CFAP77: variants seen among roughly 807,000 people sequenced by gnomAD.
The protein encoded by CFAP77 is cilia and flagella associated protein 77.
In CFAP77, 25 loss-of-function variants were observed where a neutral mutation model predicts 31.1. The ratio of observed to expected loss-of-function variants is 0.80; its 90% CI spans 0.59 to 1.12. CFAP77 has a LOEUF of 1.12. Ranked by LOEUF, CFAP77 falls within the 50% of genes most tolerant of loss-of-function variation. The pLI is 0.00. For missense variants in CFAP77, 377 were observed against 397.3 expected (o/e 0.95, Z 0.44); for synonymous variants, 151 against 159.9 (o/e 0.94, Z 0.42).
intron 4 of CFAP77, among the ~76,000 whole-genome samples, chr9:132,541,860 A>C (rs1852648619): frequency 1.3e-5 from 2 of 152,258 alleles, no homozygotes; most frequent in South Asian, 4.1e-4. Flanking sequence ...TTATTTGCCG[A>C]TTGTGCTGTC....
chr9:132,503,566 T>C (rs539606652), intron 3 of CFAP77, among the ~76,000 whole-genome samples: 3 of 152,244 alleles, frequency 2.0e-5, no homozygotes, highest in Non-Finnish European at 4.4e-5. Flanking sequence ...TCTCAGGCTA[T>C]GTTTTGCCTC....
chr9:132,530,337 G>C (rs1340318711), intron 3 of CFAP77, among the ~76,000 whole-genome samples: 10 of 150,926 alleles, frequency 6.6e-5, no homozygotes, highest in African/African-American at 2.4e-4. Flanking sequence ...GTGCAGTGGT[G>C]CAATCTCGGC....
chr9:132,486,555 C>T (rs1196248101), intron 1 of CFAP77, among the ~76,000 whole-genome samples: 1 of 152,126 alleles, frequency 6.6e-6, no homozygotes, highest in East Asian at 1.9e-4. Context: ...GTTTTTATTG[C>T]TCTTTAAAAA....
chr9:132,558,451 TC>T (rs1283496222), intron 5 of CFAP77, among the ~76,000 whole-genome samples: 1 of 152,252 alleles, frequency 6.6e-6, no homozygotes, highest in Non-Finnish European at 1.5e-5. Flanking sequence ...ATGCCTGTAA[TC>T]CCAGCACTTT....
chr9:132,504,418 C>T (rs368137945), intron 3 of CFAP77, among the ~76,000 whole-genome samples: 7 of 152,164 alleles, frequency 4.6e-5, no homozygotes, highest in African/African-American at 1.2e-4. Flanking sequence ...AGGGAAAGGA[C>T]GTGATGAAGT....
chr9:132,459,507 GTC>G (rs565076925), intron 1 of CFAP77, among the ~76,000 whole-genome samples: 73 of 151,048 alleles, frequency 4.8e-4, no homozygotes, highest in African/African-American at 1.8e-3. Flanking sequence ...GTATATGTAT[GTC>G]TCTGTTTAGG....
chr9:132,477,685 C>T (rs1851373310), intron 1 of CFAP77, among the ~76,000 whole-genome samples: 2 of 152,334 alleles, frequency 1.3e-5, no homozygotes, highest in South Asian at 4.1e-4. Flanking sequence ...TCTTGCCCTG[C>T]ATTGGGTTCC....
chr9:132,438,542 T>TATATATATATATATATA (rs1491134869), intron 1 of CFAP77, among the ~76,000 whole-genome samples: 3 of 81,976 alleles, frequency 3.7e-5, no homozygotes, highest in African/African-American at 5.2e-5. Flanking sequence ...TATATATATA[T>TATATATATATATATATA]TTTTTTTTTT....
chr9:132,476,252 T>C (rs988026647), intron 1 of CFAP77, among the ~76,000 whole-genome samples: 2 of 152,084 alleles, frequency 1.3e-5, no homozygotes, highest in Admixed American at 6.6e-5. Context: ...ACCCTCAAGA[T>C]TGACTATCAG....
chr9:132,492,925 C>T (rs74792022), intron 1 of CFAP77, among the ~76,000 whole-genome samples: 2,964 of 152,202 alleles, frequency 0.019, 103 homozygotes, highest in African/African-American at 0.067. Flanking sequence ...TGGAGGTATC[C>T]GGGGCCAGGT....
At chr9:132,426,921 G>A (rs1850327779) in intron 1 of CFAP77, among the ~76,000 whole-genome samples, 1 of 152,198 alleles carries the variant, frequency 6.6e-6, no homozygotes, top group African/African-American at 2.4e-5. Flanking sequence ...GAATAATTCA[G>A]GGAGGGCAGA....
At chr9:132,544,082 A>G (rs12115803) in intron 5 of CFAP77, among the ~76,000 whole-genome samples, 17,993 of 152,206 alleles carry the variant, frequency 0.12, 2,196 homozygotes, top group African/African-American at 0.32. Flanking sequence ...AGTTTAAACA[A>G]TGAAGGGACC....
At chr9:132,438,542 T>TATATATATATATATA (rs1491134869) in intron 1 of CFAP77, among the ~76,000 whole-genome samples, 3 of 81,948 alleles carry the variant, frequency 3.7e-5, no homozygotes, top group African/African-American at 1.0e-4. Context: ...TATATATATA[T>TATATATATATATATA]TTTTTTTTTT....
intron 1 of CFAP77, among the ~76,000 whole-genome samples, chr9:132,484,852 CTTT>C (rs772628691): frequency 2.9e-5 from 4 of 138,114 alleles, no homozygotes; most frequent in South Asian, 2.3e-4. Context: ...AACTTTCTTT[CTTT>C]TTTTTTTTTT....
rs575939941 is a variant in CFAP77 at position 132,531,633 on chromosome 9, G to GT, written c.525-5968_525-5967insT. Reference sequence around the variant, plus strand: ...GGGCTTAGGCTAAGACATGGGGGGGGGGGCATGGAAGGCATTTTAAGCAAG... The same window carrying GT: ...GGGCTTAGGCTAAGACATGGGGGGGGTGGGCATGGAAGGCATTTTAAGCAAG... On this transcript the variant is annotated intron_variant, in intron 3 of 5. Transcript: ENST00000393216. 4.3e-4 allele frequency among the ~76,000 whole-genome samples: 63 copies of GT among 145,588 alleles called. 2 individuals are homozygous for GT. The highest frequency in any genetic ancestry group is 1.6e-3 in the African/African-American group (63 of 40,544).
chr9:132,524,294 A>C (rs889074360), intron 3 of CFAP77, among the ~76,000 whole-genome samples: 2 of 151,714 alleles, frequency 1.3e-5, no homozygotes, highest in African/African-American at 4.8e-5. Context: ...GACAATTGGG[A>C]GAGCTTGTGT....
chr9:132,543,147 AC>A, intron 5 of CFAP77, 100 bp downstream of exon 5: 1 of 909,562 alleles, frequency 1.1e-6, no homozygotes, highest in Non-Finnish European at 1.8e-6. Flanking sequence ...TGGGCTTCTC[AC>A]CATCGATTAG....
intron 1 of CFAP77, among the ~76,000 whole-genome samples, chr9:132,478,847 C>T (rs1176197811): frequency 2.6e-5 from 4 of 152,228 alleles, no homozygotes; most frequent in African/African-American, 9.6e-5. Flanking sequence ...TAGATTTCCG[C>T]TCTGCAGCTT....
At chr9:132,472,034 A>G (rs1851268098) in intron 1 of CFAP77, among the ~76,000 whole-genome samples, 1 of 152,140 alleles carries the variant, frequency 6.6e-6, no homozygotes, top group Non-Finnish European at 1.5e-5. Flanking sequence ...TTTATTTGCT[A>G]AATCTGGCAG....
Sources: allele counts gnomAD v4.1 joint callset (sites outside exome capture counted in the v4.1 genomes callset), GRCh38; gene constraint gnomAD v4.1.1; transcripts MANE v1.5; gene names NCBI Gene and HGNC (gene_info 2026-07-23, HGNC 2026-07-21).